ADAMTS12: variants seen among roughly 807,000 people sequenced by gnomAD.
ADAMTS12 encodes the protein A disintegrin and metalloproteinase with thrombospondin motifs 12.
ADAMTS12 carries 118 observed loss-of-function variants against 167.8 expected under a neutral mutation model. The observed-to-expected ratio is 0.70, with a 90% CI of 0.61 to 0.82. The LOEUF is 0.82. Among genes scored for constraint, ADAMTS12 ranks in the 40% least tolerant of loss-of-function variants. The pLI, the probability that ADAMTS12 is intolerant of heterozygous loss-of-function variation, is 0.00. For synonymous variants in ADAMTS12, 704 were observed against 716.9 expected (o/e 0.98, Z 0.29); for missense variants, 1,916 against 1,998.8 (o/e 0.96, Z 0.79).
intron 2 of ADAMTS12, among the ~76,000 whole-genome samples, chr5:33,865,925 G>A (rs1420314552): frequency 1.3e-5 from 2 of 152,080 alleles, no homozygotes. Context: ...GCTCTACAAG[G>A]AGAACTATAA....
chr5:33,821,807 A>G (rs895450357), intron 2 of ADAMTS12, among the ~76,000 whole-genome samples: 1 of 152,154 alleles, frequency 6.6e-6, no homozygotes, highest in African/African-American at 2.4e-5. Context: ...TAATTACCCA[A>G]CATCACCCTT....
At chr5:33,751,686 A>C in intron 2 of ADAMTS12, 138 bp from the exon 3 acceptor site, 1 of 753,340 alleles carries the variant, frequency 1.3e-6, no homozygotes, top group Non-Finnish European at 2.1e-6. Flanking sequence ...GTTCGATCTC[A>C]TAGAAGAGTT....
At chr5:33,710,760 G>A (rs1743370975) in intron 3 of ADAMTS12, among the ~76,000 whole-genome samples, 1 of 151,966 alleles carries the variant, frequency 6.6e-6, no homozygotes, top group Non-Finnish European at 1.5e-5. Context: ...TCACTTTGAG[G>A]GTGTGCCATT....
chr5:33,739,863 G>T (rs1744504853), intron 3 of ADAMTS12, among the ~76,000 whole-genome samples: 1 of 152,354 alleles, frequency 6.6e-6, no homozygotes. Context: ...AGAGCCAGAT[G>T]TCAGGGTTAC....
At chr5:33,773,912 C>T (rs147768880) in intron 2 of ADAMTS12, among the ~76,000 whole-genome samples, 3 of 152,266 alleles carry the variant, frequency 2.0e-5, no homozygotes, top group Admixed American at 2.0e-4. Flanking sequence ...GCTGAGTTTG[C>T]TCAGAATCCA....
At chr5:33,640,385 A>AACCTGC (rs1265049377) in intron 11 of ADAMTS12, among the ~76,000 whole-genome samples, 4 of 152,228 alleles carry the variant, frequency 2.6e-5, no homozygotes, top group Non-Finnish European at 4.4e-5. Flanking sequence ...TCTGATAGCC[A>AACCTGC]CAAGTCACTG....
chr5:33,737,490 G>A (rs941684284), intron 3 of ADAMTS12, among the ~76,000 whole-genome samples: 4 of 152,206 alleles, frequency 2.6e-5, no homozygotes, highest in African/African-American at 9.7e-5. Context: ...GAATTCTGGA[G>A]ATTGGTTGCA....
chr5:33,587,206 A>G (rs372299151), intron 18 of ADAMTS12, among the ~76,000 whole-genome samples: 58 of 152,340 alleles, frequency 3.8e-4, no homozygotes, highest in African/African-American at 1.3e-3. Flanking sequence ...TCAAATAGGT[A>G]TCTTCAGAGA....
At chr5:33,534,715 C>T in intron 23 of ADAMTS12, 118 bp downstream of exon 23, 1 of 1,389,152 alleles carries the variant, frequency 7.2e-7, no homozygotes, top group Non-Finnish European at 9.6e-7. Context: ...TGGTTGACCT[C>T]TTTAACATTA....
chr5:33,795,865 C>A (rs1361328039), intron 2 of ADAMTS12, among the ~76,000 whole-genome samples: 1 of 151,978 alleles, frequency 6.6e-6, no homozygotes, highest in African/African-American at 2.4e-5. Flanking sequence ...AAAGCCCAGG[C>A]AAAAAAATAC....
chr5:33,699,489 T>C (rs144366215), intron 3 of ADAMTS12, among the ~76,000 whole-genome samples: 41 of 151,838 alleles, frequency 2.7e-4, no homozygotes, highest in African/African-American at 9.7e-4. Flanking sequence ...ACGAGAAAAA[T>C]GTTTGGGATG....
rs529019585 is a variant in ADAMTS12 at position 33,754,475 on chromosome 5, A to T, written c.490-2927T>A. Among the ~76,000 whole-genome samples, 8 of 152,224 alleles carry T rather than the reference A, an allele frequency of 5.3e-5. No homozygotes were observed. The South Asian group carries it at 1.5e-3, about 28-fold the overall frequency. ...CTCCTGTGCCATCTGCTCTTCTCCC[A>T]CCCAGTATCCAGGAGTCTCTGCATA... On this transcript the variant is annotated intron_variant, in intron 2 of 23. Coordinates refer to ENST00000504830, the MANE Select transcript of ADAMTS12 (RefSeq NM_030955.4).
chr5:33,592,666 T>A (rs937355693), intron 17 of ADAMTS12, among the ~76,000 whole-genome samples: 1 of 152,152 alleles, frequency 6.6e-6, no homozygotes, highest in Non-Finnish European at 1.5e-5. Flanking sequence ...TATGTTTAGA[T>A]AATCAAAAGT....
At chr5:33,783,912 A>G (rs1746236579) in intron 2 of ADAMTS12, among the ~76,000 whole-genome samples, 1 of 151,942 alleles carries the variant, frequency 6.6e-6, no homozygotes, top group Non-Finnish European at 1.5e-5. Flanking sequence ...AGATACCACA[A>G]AAAACCTGGC....
At chr5:33,802,435 T>A (rs10941089) in intron 2 of ADAMTS12, among the ~76,000 whole-genome samples, 58,402 of 152,040 alleles carry the variant, frequency 0.38, 11,837 homozygotes, top group East Asian at 0.73. Context: ...AATGTCACAG[T>A]AGTGGAGGTG....
rs1193918916 is a variant in ADAMTS12 at position 33,526,374 on chromosome 5, A to G, written c.*814T>C. On this transcript the variant is annotated 3_prime_UTR_variant, in exon 24 of 24. Transcript: ENST00000504830. ...TGCAAAGGAGTGTGTATTTGCCAGG[A>G]AAGTGGGAAGAATAAAGGCCCACAG... The G allele has an allele frequency of 6.6e-6, 1 of 152,190 alleles. No individual in the cohort carries two copies. Among genetic ancestry groups the G allele is most frequent in the African/African-American group, 2.4e-5 (1 of 41,452 alleles). 9.4% of individuals were successfully genotyped at this position (152,190 alleles called of 1,614,324 possible).
chr5:33,705,968 A>T (rs1423826515), intron 3 of ADAMTS12, among the ~76,000 whole-genome samples: 3 of 152,294 alleles, frequency 2.0e-5, no homozygotes, highest in Admixed American at 2.0e-4. Context: ...TTATGAAAGA[A>T]ACTGAAGAGG....
chr5:33,673,946 G>A (rs1741810263), intron 5 of ADAMTS12, among the ~76,000 whole-genome samples: 1 of 152,106 alleles, frequency 6.6e-6, no homozygotes, highest in Non-Finnish European at 1.5e-5. Context: ...CCCCTAGTCT[G>A]GTTTAGCTTC....
At chr5:33,662,079 C>A in intron 5 of ADAMTS12, 39 bp from the exon 6 acceptor site, 1 of 1,598,274 alleles carries the variant, frequency 6.3e-7, no homozygotes, top group South Asian at 1.1e-5. Flanking sequence ...TGGGAGAGCT[C>A]ACTGTGGTCA....
Sources: gnomAD v4.1 joint callset for allele counts (sites outside exome capture counted in the v4.1 genomes callset) on GRCh38, gnomAD v4.1.1 for gene constraint, MANE v1.5 for transcripts, NCBI Gene and HGNC (gene_info 2026-07-23, HGNC 2026-07-21) for gene names.